The following STUM variants were observed in gnomAD, a reference collection of about 807,000 sequenced individuals.
STUM encodes the protein protein stum homolog.
A neutral mutation model predicts 15.3 loss-of-function variants in STUM; 8 were observed. The observed-to-expected ratio is 0.52, with a 90% CI of 0.31 to 0.94. The LOEUF (loss-of-function observed/expected upper bound fraction) is 0.94. STUM is among the 40% of genes least tolerant of loss of function. The pLI, the probability that STUM is intolerant of heterozygous loss-of-function variation, is 0.05. For synonymous variants in STUM, 78 were observed against 88.7 expected (o/e 0.88, Z 0.68); for missense variants, 142 against 204.9 (o/e 0.69, Z 1.87).
At chr1:226,592,235 A>G (rs2102708701) in intron 1 of STUM, among the ~76,000 whole-genome samples, 1 of 152,242 alleles carries the variant, frequency 6.6e-6, no homozygotes, top group South Asian at 2.1e-4. Flanking sequence ...TTTGGTAGAG[A>G]CAGGGTTTCA....
chr1:226,596,822 A>C lies in STUM; in HGVS notation c.223A>C (p.Thr75Pro). ...PGLGTFVSAF[T>P]VLCGARTDLP... ...CACAGGGACATTCGTCTCGGCCTTC[A>C]CTGTGCTGTGCGGGGCCCGCACCGA... Residue 75 changes from threonine to proline, a missense_variant, in exon 2 of 4, where the codon ACT becomes CCT. Physicochemically the swap from Thr to Pro is conservative, Grantham distance 38. This residue lies in a region of STUM where 113 missense variants were observed against 134.4 expected (regional missense o/e 0.84). Transcript: ENST00000366788. 1 of 1,613,688 alleles carries C rather than the reference A, an allele frequency of 6.2e-7. No homozygotes were observed. The highest frequency in any genetic ancestry group is 8.5e-7 in the Non-Finnish European group (1 of 1,179,640).
Position 226,604,497 on chromosome 1 carries a change from G to C in STUM, c.*2457G>C, listed in dbSNP as rs1043135693. On this transcript the variant is annotated 3_prime_UTR_variant, in exon 4 of 4. Coordinates refer to ENST00000366788, the MANE Select transcript of STUM (RefSeq NM_001003665.4). The surrounding 1 kb of genome is among the most constrained non-coding windows in gnomAD (Gnocchi z 4.7). ...CCTGTCTCCTGAATGAGGCTGTGAG[G>C]GTTGCCATGTGGGCGGGACCGGTTC... is the stretch of plus-strand genomic sequence containing the variant. The C allele has an allele frequency of 6.6e-6, 1 of 152,244 alleles. No homozygotes were observed. Among genetic ancestry groups the C allele is most frequent in the East Asian group, 1.9e-4 (1 of 5,198 alleles). 9.4% of individuals were successfully genotyped at this position (152,244 alleles called of 1,614,324 possible). A position where few individuals can be genotyped will look rare whatever the true frequency, so the allele number is the denominator to read the frequency against.
intron 1 of STUM, among the ~76,000 whole-genome samples, chr1:226,571,424 A>G (rs1019794572): frequency 5.3e-5 from 8 of 152,314 alleles, no homozygotes; most frequent in Non-Finnish European, 1.0e-4. Flanking sequence ...AGGAATATCT[A>G]TGGTTTCCTG....
In STUM at chr1:226,552,848, A is replaced by G. The variant is rs1044765637; in HGVS notation, c.202+3742A>G. 2.6e-5 allele frequency among the ~76,000 whole-genome samples: 4 copies of G among 152,170 alleles called. No individual in the cohort carries two copies. The highest frequency in any genetic ancestry group is 2.9e-5 in the Non-Finnish European group (2 of 68,030). ...TTTTTTGTTGCTGTTTTGAGACTTT[A>G]TTCTTTGTCTATCTGAGTAGATCTT... On this transcript the variant is annotated intron_variant, in intron 1 of 3. Transcript: ENST00000366788. The surrounding 1 kb of genome is among the most constrained non-coding windows in gnomAD (Gnocchi z 4.7).
At chr1:226,573,020 T>C (rs1667743469) in intron 1 of STUM, among the ~76,000 whole-genome samples, 2 of 152,216 alleles carry the variant, frequency 1.3e-5, no homozygotes, top group African/African-American at 4.8e-5. Flanking sequence ...ATGAAGATCA[T>C]GTCTGAGTCC....
intron 1 of STUM, among the ~76,000 whole-genome samples, chr1:226,568,532 C>G (rs1357939697): frequency 3.9e-5 from 6 of 152,252 alleles, no homozygotes; most frequent in Non-Finnish European, 8.8e-5. Flanking sequence ...CTTCAACACA[C>G]ATTTAATTTT....
rs1360395600 is a variant in STUM, at chr1:226,567,164, G to C, written c.202+18058G>C. 6.6e-6 allele frequency among the ~76,000 whole-genome samples: 1 copy of C among 152,150 alleles called. No homozygotes were observed. The highest frequency in any genetic ancestry group is 1.5e-5 in the Non-Finnish European group (1 of 68,024). On this transcript the variant is annotated intron_variant, in intron 1 of 3. Coordinates refer to ENST00000366788, the MANE Select transcript of STUM (RefSeq NM_001003665.4). The surrounding 1 kb of genome is among the most constrained non-coding windows in gnomAD (Gnocchi z 4.5). ...GTAGGGTGGTGAGGCCGGGGCACCT[G>C]CTCTGCTAATCAACAGTCCTGTCCA... is the stretch of plus-strand genomic sequence containing the variant.
chr1:226,577,893 C>T (rs1667846493), intron 1 of STUM, among the ~76,000 whole-genome samples: 1 of 152,146 alleles, frequency 6.6e-6, no homozygotes, highest in South Asian at 2.1e-4. Context: ...TGCAAAAACC[C>T]AAAGTCACTG....
chr1:226,588,276 C>T (rs565116941), intron 1 of STUM, among the ~76,000 whole-genome samples: 7 of 152,222 alleles, frequency 4.6e-5, no homozygotes, highest in African/African-American at 1.7e-4. Flanking sequence ...CAGACCTGCT[C>T]AGCTTCGAAC....
rs77239948 is a variant in STUM at position 226,573,335 on chromosome 1, G to T, written c.203-23467G>T. Among the ~76,000 whole-genome samples, 161 of 152,354 alleles carry T rather than the reference G, an allele frequency of 1.1e-3. 3 individuals are homozygous for T. The East Asian group carries it at 0.028, about 26-fold the overall frequency. Reference sequence around the variant, plus strand: ...ACATAGAGCTTTTGTAACAGATGGTGGCGGGTTAGTCACGACTCTTTCAGT... The same window carrying T: ...ACATAGAGCTTTTGTAACAGATGGTTGCGGGTTAGTCACGACTCTTTCAGT... On this transcript the variant is annotated intron_variant, in intron 1 of 3. Coordinates refer to ENST00000366788, the MANE Select transcript of STUM (RefSeq NM_001003665.4).
chr1:226,596,720 TG>T, intron 1 of STUM, 81 bp from the exon 2 acceptor site: 1 of 1,300,358 alleles, frequency 7.7e-7, no homozygotes, highest in Non-Finnish European at 1.1e-6. Context: ...GGTGGACAGC[TG>T]GGCCCCAGGC....
chr1:226,600,134 C>CTGAG lies in STUM; in HGVS notation c.383-531_383-528dup, dbSNP rs1668242820. The stretch of plus-strand genomic sequence containing the variant: ...GAATTTATCTGGAGGAAGGCATGAG[C>CTGAG]TGAGGATGAAAAAAAAAAGGCTAGG... On this transcript the variant is annotated intron_variant, in intron 2 of 3. Transcript: ENST00000366788. This position sits in a 1 kb window ranked among gnomAD's most constrained non-coding sequence, Gnocchi z 5.2. Among the ~76,000 whole-genome samples the CTGAG allele has an allele frequency of 1.3e-5, 2 of 151,870 alleles. No homozygotes were observed. Among genetic ancestry groups the CTGAG allele is most frequent in the South Asian group, 4.2e-4 (2 of 4,802 alleles).
At chr1:226,593,560 G>T (rs904800230) in intron 1 of STUM, among the ~76,000 whole-genome samples, 8 of 152,110 alleles carry the variant, frequency 5.3e-5, no homozygotes, top group Non-Finnish European at 1.2e-4. Context: ...GAGGGCAGGG[G>T]TTCAGTTAGG....
At chr1:226,597,631 T>G (rs1027129908) in intron 2 of STUM, among the ~76,000 whole-genome samples, 1 of 152,144 alleles carries the variant, frequency 6.6e-6, no homozygotes, top group African/African-American at 2.4e-5. Context: ...TAGAATGATC[T>G]ATAGTCAACT....
At chr1:226,556,740 G>A (rs1419145905) in intron 1 of STUM, among the ~76,000 whole-genome samples, 2 of 152,058 alleles carry the variant, frequency 1.3e-5, no homozygotes, top group Admixed American at 6.6e-5. Context: ...CTCCGCTTGG[G>A]CATCTGACAA....
In STUM at chr1:226,565,561, G is replaced by A. The variant is rs1272631313; in HGVS notation, c.202+16455G>A. On this transcript the variant is annotated intron_variant, in intron 1 of 3. Coordinates refer to ENST00000366788, the MANE Select transcript of STUM (RefSeq NM_001003665.4). This position sits in a 1 kb window ranked among gnomAD's most constrained non-coding sequence, Gnocchi z 4.4. ...TGAAACAGCCAGTACATGGAGCCAG[G>A]GCTTCCTGCCGTCTGAAAAGTGTGG... is the stretch of plus-strand genomic sequence containing the variant. 6.6e-6 allele frequency among the ~76,000 whole-genome samples: 1 copy of A among 152,172 alleles called. No homozygotes were observed. The highest frequency in any genetic ancestry group is 1.9e-4 in the East Asian group (1 of 5,190).
At chr1:226,554,663 G>A (rs1667420403) in intron 1 of STUM, among the ~76,000 whole-genome samples, 1 of 152,276 alleles carries the variant, frequency 6.6e-6, no homozygotes, top group African/African-American at 2.4e-5. Context: ...TGGAGACTGG[G>A]GAAGCATCAG....
intron 1 of STUM, among the ~76,000 whole-genome samples, chr1:226,553,037 C>T (rs1667394338): frequency 6.6e-6 from 1 of 152,110 alleles, no homozygotes; most frequent in Non-Finnish European, 1.5e-5. Flanking sequence ...GATGCAAGGA[C>T]CAAGGAAGTT....
In STUM at chr1:226,596,863, T is replaced by C. The variant is rs923775202; in HGVS notation, c.264T>C (p.His88=). The C allele has an allele frequency of 6.2e-7, 1 of 1,614,242 alleles. No individual in the cohort carries two copies. The highest frequency in any genetic ancestry group is 8.5e-7 in the Non-Finnish European group (1 of 1,180,032). ...CCCGCACCGACCTCCCGGACAGGCA[T>C]GTGTGCTGCGTCTTCTGGCTGAACA... ...CGARTDLPDR[H]VCCVFWLNIA... The change falls in exon 2 of 4, where the codon CAT becomes CAC. Residue 88 remains histidine (H), a synonymous_variant. Transcript: ENST00000366788.
Sources: gnomAD v4.1 joint callset for allele counts (sites outside exome capture counted in the v4.1 genomes callset) on GRCh38, gnomAD v4.1.1 for gene constraint, gnomAD v4.1.1 regional missense constraint, Gnocchi (gnomAD v3.1) non-coding constraint, MANE v1.5 for transcripts, NCBI Gene and HGNC (gene_info 2026-07-23, HGNC 2026-07-21) for gene names.